The following POLR3B variants were observed in gnomAD, a reference collection of about 807,000 sequenced individuals.
POLR3B encodes the protein RNA polymerase III subunit B, also known as DNA-directed RNA polymerase III subunit RPC2.
POLR3B carries 96 observed loss-of-function variants against 147.4 expected under a neutral mutation model. That is an observed-to-expected ratio of 0.65 (90% CI 0.55 to 0.77). The LOEUF (loss-of-function observed/expected upper bound fraction) is 0.77, where lower values mean the gene tolerates loss of function less well. Ranked by LOEUF, POLR3B falls within the 30% of genes least tolerant of loss-of-function variation. The pLI is 0.00. For synonymous variants in POLR3B, 461 were observed against 485.9 expected (o/e 0.95, Z 0.67); for missense variants, 1,036 against 1,413.5 (o/e 0.73, Z 4.28).
intron 9 of POLR3B, among the ~76,000 whole-genome samples, chr12:106,383,326 C>G (rs2036790796): frequency 6.6e-6 from 1 of 152,148 alleles, no homozygotes; most frequent in Non-Finnish European, 1.5e-5. Flanking sequence ...CTTGTGATTT[C>G]CTTCAAGAAC....
chr12:106,479,508 G>A (rs1240258019), intron 23 of POLR3B, among the ~76,000 whole-genome samples: 3 of 151,544 alleles, frequency 2.0e-5, no homozygotes, highest in African/African-American at 7.3e-5. Flanking sequence ...AGCCTCCCGA[G>A]TAGCTGGGAC....
In POLR3B at chr12:106,410,940, C is replaced by T. The variant is rs765830807; in HGVS notation, c.1081C>T (p.Arg361Ter). 5 of 1,613,288 alleles carry T rather than the reference C, an allele frequency of 3.1e-6. No individual in the cohort carries two copies. Among genetic ancestry groups the T allele is most frequent in the Non-Finnish European group, 4.2e-6 (5 of 1,179,496 alleles). ...CGACAGAGATTATTATGGTAACAAG[C>T]GACTGGAATTGGCAGGACAGGTGAT... ...VDDRDYYGNK[R>*]LELAGQLLSL... Residue 361 changes from arginine to a stop codon, truncating the protein, a stop_gained, in exon 12 of 28, where the codon CGA becomes TGA. Coordinates refer to ENST00000228347, the MANE Select transcript of POLR3B (RefSeq NM_018082.6). LOFTEE classifies it high-confidence loss of function.
intron 23 of POLR3B, among the ~76,000 whole-genome samples, chr12:106,490,602 TA>T (rs2038394653): frequency 6.6e-6 from 1 of 152,182 alleles, no homozygotes; most frequent in Non-Finnish European, 1.5e-5. Context: ...ACAAAGCCAA[TA>T]TGATTCAACA....
chr12:106,402,650 T>C (rs1474003532), intron 10 of POLR3B, among the ~76,000 whole-genome samples: 3 of 152,014 alleles, frequency 2.0e-5, no homozygotes, highest in Non-Finnish European at 4.4e-5. Context: ...TCAGAAATAA[T>C]GCCACATATC....
At chr12:106,482,810 G>A (rs149643818) in intron 23 of POLR3B, among the ~76,000 whole-genome samples, 2,554 of 152,200 alleles carry the variant, frequency 0.017, 38 homozygotes, top group South Asian at 0.046. Context: ...GATGTTTGAG[G>A]AATCCTTTAT....
intron 13 of POLR3B, among the ~76,000 whole-genome samples, chr12:106,428,286 A>G (rs2037463241): frequency 6.6e-6 from 1 of 152,194 alleles, no homozygotes; most frequent in Non-Finnish European, 1.5e-5. Flanking sequence ...TTTTCAGGTC[A>G]AAAGAGCTAT....
chr12:106,497,180 T>C (rs1046289225), intron 25 of POLR3B, among the ~76,000 whole-genome samples: 12 of 150,812 alleles, frequency 8.0e-5, no homozygotes, highest in African/African-American at 2.9e-4. Flanking sequence ...TGTTAGCGTA[T>C]TTTATGTGTG....
chr12:106,506,794 C>G (rs557237964), intron 27 of POLR3B, among the ~76,000 whole-genome samples: 1 of 152,252 alleles, frequency 6.6e-6, no homozygotes, highest in South Asian at 2.1e-4. Context: ...AAATCCTAAT[C>G]CATTCTAGTA....
At chr12:106,463,724 T>A (rs953788461) in intron 23 of POLR3B, 104 bp downstream of exon 23, 1 of 884,152 alleles carries the variant, frequency 1.1e-6, no homozygotes, top group African/African-American at 1.7e-5. Context: ...TTTGGAAAAG[T>A]ATTACATTGT....
chr12:106,499,902 A>G (rs1169599104), intron 25 of POLR3B, among the ~76,000 whole-genome samples: 1 of 152,218 alleles, frequency 6.6e-6, no homozygotes, highest in Non-Finnish European at 1.5e-5. Flanking sequence ...GACACCGAGC[A>G]AACAGTGGCC....
At chr12:106,396,152 A>G (rs777142940) in intron 10 of POLR3B, among the ~76,000 whole-genome samples, 1 of 152,156 alleles carries the variant, frequency 6.6e-6, no homozygotes, top group African/African-American at 2.4e-5. Flanking sequence ...ATCACAAGGG[A>G]TACCCTGCTC....
chr12:106,442,092 AGAAAG>A (rs1565897809), intron 18 of POLR3B, among the ~76,000 whole-genome samples: 3 of 146,346 alleles, frequency 2.0e-5, no homozygotes, highest in African/African-American at 2.6e-5. Flanking sequence ...AAAAAAAAAA[AGAAAG>A]AAAGAAAGAA....
At chr12:106,381,448 C>G (rs1253166072) in intron 9 of POLR3B, among the ~76,000 whole-genome samples, 1 of 152,164 alleles carries the variant, frequency 6.6e-6, no homozygotes, top group Non-Finnish European at 1.5e-5. Context: ...TGTATACAGC[C>G]TCTTCACCAG....
intron 21 of POLR3B, 124 bp downstream of exon 21, chr12:106,457,420 C>CTG: frequency 1.3e-6 from 1 of 744,156 alleles, no homozygotes; most frequent in African/African-American, 1.8e-5. Context: ...ACCATCCAAA[C>CTG]TCAACCAATG....
chr12:106,457,076 C>A, intron 20 of POLR3B, 62 bp from the exon 21 acceptor site: 1 of 1,410,638 alleles, frequency 7.1e-7, no homozygotes. Flanking sequence ...TAGCACAAAT[C>A]CATATTTCCT....
At chr12:106,368,458 C>G (rs2036560967) in intron 4 of POLR3B, among the ~76,000 whole-genome samples, 3 of 152,116 alleles carry the variant, frequency 2.0e-5, no homozygotes, top group Non-Finnish European at 4.4e-5. Context: ...CTGCAGGACT[C>G]ATTCTAACCT....
intron 9 of POLR3B, 35 bp downstream of exon 9, chr12:106,380,174 A>AT: frequency 1.7e-6 from 2 of 1,173,200 alleles, no homozygotes; most frequent in Non-Finnish European, 2.6e-6. Flanking sequence ...AATTGTAAGA[A>AT]TTCTTTCTCT....
At chr12:106,503,962 T>C (rs1279367852) in intron 26 of POLR3B, 119 bp from the exon 27 acceptor site, 5 of 901,388 alleles carry the variant, frequency 5.5e-6, no homozygotes, top group Admixed American at 5.4e-5. Flanking sequence ...TGTCCAGTTA[T>C]TGATTTGGAT....
At position 106,398,907 on chromosome 12, in the gene POLR3B, ACT is replaced by A. The variant is rs552878497; in HGVS notation, c.846+5757_846+5758del. Among the ~76,000 whole-genome samples, 431 of 152,250 alleles carry A rather than the reference ACT, an allele frequency of 2.8e-3. 4 individuals are homozygous for A. Among genetic ancestry groups the A allele is most frequent in the African/African-American group, 9.8e-3 (406 of 41,536 alleles). On this transcript the variant is annotated intron_variant, in intron 10 of 27. Coordinates refer to ENST00000228347, the MANE Select transcript of POLR3B (RefSeq NM_018082.6). ...AAAAAACAGAGCAGAAAAACTGGAA[ACT>A]CTAAAAATCACAGCACCTCTCCTCC...
Sources: allele counts gnomAD v4.1 joint callset (sites outside exome capture counted in the v4.1 genomes callset), GRCh38; gene constraint gnomAD v4.1.1; transcripts MANE v1.5; gene names NCBI Gene and HGNC (gene_info 2026-07-23, HGNC 2026-07-21).